Variants in PRSS36 observed in about 807,000 individuals in gnomAD.
The protein encoded by PRSS36 is polyserase-2.
A neutral mutation model predicts 94.3 loss-of-function variants in PRSS36; 90 were observed. That is an observed-to-expected ratio of 0.95 (90% CI 0.80 to 1.14). The LOEUF is 1.14. Among genes scored for constraint, PRSS36 ranks in the 50% most tolerant of loss-of-function variants. The probability of loss-of-function intolerance (pLI) is 0.00; values close to 1 mark genes in which losing one functional copy is unlikely to be tolerated. For missense variants in PRSS36, 1,158 were observed against 1,135.0 expected (o/e 1.02, Z -0.29); for synonymous variants, 500 against 489.6 (o/e 1.02, Z -0.28).
chr16:31,140,277 C>T lies in PRSS36; in HGVS notation c.2289+17G>A, dbSNP rs200402922. Reference sequence around the variant, plus strand: ...TGCCTCTCCCCTGCCTACTCCAGGACGCCCAGGCCCCTGTACCTCACACCT... The same window carrying T: ...TGCCTCTCCCCTGCCTACTCCAGGATGCCCAGGCCCCTGTACCTCACACCT... On this transcript the variant is annotated intron_variant, in intron 14 of 14. Transcript: ENST00000268281. 5.5e-4 allele frequency: 879 copies of T among 1,591,442 alleles called. 9 individuals carry two copies. In the Admixed American group the frequency reaches 0.014, roughly 26 times the overall value.
At chr16:31,148,700 G>C in intron 4 of PRSS36, 25 bp from the exon 5 acceptor site, 3 of 1,610,810 alleles carry the variant, frequency 1.9e-6, no homozygotes, top group Non-Finnish European at 2.5e-6. Flanking sequence ...GGCAGTAGGA[G>C]GTTAGGTTGA....
At position 31,142,883 on chromosome 16, in the gene PRSS36, G is replaced by A. The variant is rs770303171; in HGVS notation, c.1211C>T (p.Ser404Leu). The A allele has an allele frequency of 1.1e-5, 17 of 1,559,358 alleles. No individual in the cohort carries two copies. The highest frequency in any genetic ancestry group is 5.6e-5 in the Admixed American group (3 of 53,844). Residue 404 changes from serine (S) to leucine (L), a missense_variant, in exon 9 of 15, where the codon TCG (serine) becomes TTG (leucine). By Grantham distance (145) the Ser-to-Leu change is moderately radical (BLOSUM62 -2). Transcript: ENST00000268281. The part of the protein sequence containing the change: ...VARLVQHENA[S>L]WDNASDLALL... ...CGCCAGGTCCGAGGCGTTGTCCCAC[G>A]AAGCGTTCTCGTGCTGCACCAGGCG...
At chr16:31,149,794 A>C (rs367968884) in intron 1 of PRSS36, 63 bp from the exon 2 acceptor site, 24 of 1,607,362 alleles carry the variant, frequency 1.5e-5, no homozygotes, top group African/African-American at 1.2e-4. Context: ...GCCCTCCCTG[A>C]CTCCCTCCCC....
In PRSS36 at chr16:31,145,842, A is replaced by G; in HGVS notation, c.667T>C (p.Leu223=). The G allele has an allele frequency of 1.9e-6, 3 of 1,614,068 alleles. No individual in the cohort carries two copies. Among genetic ancestry groups the G allele is most frequent in the East Asian group, 2.2e-5 (1 of 44,878 alleles). The part of the protein sequence containing the change: ...PGPFNLTLQI[L]PGMLCAGYPE... The stretch of plus-strand genomic sequence containing the variant: ...TAGCCAGCACACAGCATCCCTGGCA[A>G]TATCTGGAGAGTGAGGTTGAAGGGA... The change falls in exon 6 of 15, where the codon TTG becomes CTG. Residue 223 remains leucine (L), a synonymous_variant. Transcript: ENST00000268281.
At chr16:31,139,520 G>C (rs1194713278) in intron 14 of PRSS36, 104 bp from the exon 15 acceptor site, 1 of 1,343,986 alleles carries the variant, frequency 7.4e-7, no homozygotes, top group African/African-American at 1.5e-5. Context: ...TGCATCCCTA[G>C]ACATCCAGGT....
chr16:31,145,366 C>T (rs2057781838), intron 6 of PRSS36, among the ~76,000 whole-genome samples: 1 of 129,954 alleles, frequency 7.7e-6, no homozygotes, highest in South Asian at 2.4e-4. Context: ...GAGCAAGACT[C>T]CGTCTCAAAA....
rs1259864789 is a variant in PRSS36, at chr16:31,148,403, T to C, written c.545A>G (p.Gln182Arg). The change falls in exon 5 of 15, where the codon CAG becomes CGG. Residue 182 changes from glutamine (Q) to arginine (R), a missense_variant. Transcript: ENST00000268281. Reference protein sequence around the residue: ...ACWATGWGDVQEADPLPLPWV... With the variant: ...ACWATGWGDVREADPLPLPWV... ...TGTCCCGTCCCACTCACCTGCCTCC[T>C]GGACGTCTCCCCAGCCGGTGGCCCA... 2.6e-6 allele frequency: 4 copies of C among 1,567,626 alleles called. No homozygotes were observed. Among genetic ancestry groups the C allele is most frequent in the Non-Finnish European group, 3.4e-6 (4 of 1,165,916 alleles).
rs185422452 is a variant in PRSS36 at position 31,142,356 on chromosome 16, G to T, written c.1521+125C>A. ...CCCGCTCCCTCCCTAGAGCCCACTC[G>T]GACCCGCCTTCCGCAGGCCCCGCCC... is the stretch of plus-strand genomic sequence containing the variant. On this transcript the variant is annotated intron_variant, in intron 10 of 14. Coordinates refer to ENST00000268281, the MANE Select transcript of PRSS36 (RefSeq NM_173502.5). 2,084 of 1,122,270 alleles carry T rather than the reference G, an allele frequency of 1.9e-3. 28 individuals are homozygous for T. The African/African-American group carries it at 0.031, about 17-fold the overall frequency. The allele number at this position is 1,122,270 out of a possible 1,614,324, so 69.5% of individuals were successfully genotyped here. A position where few individuals can be genotyped will look rare whatever the true frequency, so the allele number is the denominator to read the frequency against.
rs2057716131 is a variant in PRSS36, at chr16:31,142,483, A to G, written c.1519T>C (p.Trp507Arg). Residue 507 changes from tryptophan (W) to arginine (R), a missense_variant and splice_region_variant, in exon 10 of 15, where the codon TGG (tryptophan) becomes CGG (arginine). Trp to Arg is a moderately radical substitution (Grantham distance 101). Transcript: ENST00000268281. ...CGGGCCCCGCCCCCGCCGCTTACCC[A>G]GCAGCTGCCCACCTCCTCCTTTTCC... ...YQEKEEVGSC[W>R]NDSRWSLLCQ... The G allele has an allele frequency of 1.4e-6, 2 of 1,466,382 alleles. No homozygotes were observed. Among genetic ancestry groups the G allele is most frequent in the African/African-American group, 1.5e-5 (1 of 68,674 alleles). The allele number at this position is 1,466,382 out of a possible 1,614,324, so 90.8% of individuals were successfully genotyped here.
chr16:31,148,948 G>A (rs993330454), intron 4 of PRSS36, 125 bp downstream of exon 4: 86 of 1,173,910 alleles, frequency 7.3e-5, no homozygotes, highest in Non-Finnish European at 8.8e-5. Context: ...ATAGCACCTC[G>A]CTTTGGGGAC....
intron 5 of PRSS36, among the ~76,000 whole-genome samples, chr16:31,146,847 G>C (rs972320287): frequency 1.4e-4 from 21 of 152,162 alleles, no homozygotes; most frequent in East Asian, 1.9e-4. Flanking sequence ...TGGGCGTGGT[G>C]GTGGGTGCCT....
At chr16:31,140,264 G>A (rs749632300) in intron 14 of PRSS36, 30 bp downstream of exon 14, 5 of 1,582,604 alleles carry the variant, frequency 3.2e-6, no homozygotes, top group Non-Finnish European at 3.4e-6. Flanking sequence ...CCTCTCCCCT[G>A]CCTACTCCAG....
Position 31,145,963 on chromosome 16 carries a change from C to T in PRSS36, c.554-8G>A. The T allele has an allele frequency of 1.2e-6, 2 of 1,607,624 alleles. No individual in the cohort carries two copies. The highest frequency in any genetic ancestry group is 8.5e-7 in the Non-Finnish European group (1 of 1,176,906). ...AGGGGAGAGGCAGAGGATCTGGAGGCAGAACCAGAGAGCAGGTGCTGTGAG... is the reference window on the plus strand; with the variant it reads ...AGGGGAGAGGCAGAGGATCTGGAGGTAGAACCAGAGAGCAGGTGCTGTGAG... On this transcript the variant is annotated splice_polypyrimidine_tract_variant and splice_region_variant and intron_variant, in intron 5 of 14. Coordinates refer to ENST00000268281, the MANE Select transcript of PRSS36 (RefSeq NM_173502.5).
At chr16:31,148,176 G>T (rs2057825297) in intron 5 of PRSS36, among the ~76,000 whole-genome samples, 1 of 152,176 alleles carries the variant, frequency 6.6e-6, no homozygotes, top group Non-Finnish European at 1.5e-5. Context: ...AATGGGGTGC[G>T]TGTGGGTGAT....
rs753621945 is a variant in PRSS36, at chr16:31,148,543, C to T, written c.405G>A (p.Glu135=). 1 of 1,604,566 alleles carries T rather than the reference C, an allele frequency of 6.2e-7. No individual in the cohort carries two copies. Among genetic ancestry groups the T allele is most frequent in the East Asian group, 2.2e-5 (1 of 44,684 alleles). The change falls in exon 5 of 15, where the codon GAG becomes GAA. Residue 135 remains glutamate, a synonymous_variant. Transcript: ENST00000268281. ...GCAGCAGGGCCAGGTCGGCGCCCAG[C>T]TCCACTTGGCTGTAGTTGGCCGGCA... The part of the protein sequence containing the change: ...IVVPANYSQV[E]LGADLALLRL...
intron 14 of PRSS36, 55 bp from the exon 15 acceptor site, chr16:31,139,471 C>A: frequency 6.4e-7 from 1 of 1,569,572 alleles, no homozygotes; most frequent in East Asian, 2.3e-5. Flanking sequence ...TTGGTCCCCT[C>A]CCCCTTTCCC....
chr16:31,140,078 C>T (rs575991542), intron 14 of PRSS36, among the ~76,000 whole-genome samples: 1 of 151,096 alleles, frequency 6.6e-6, no homozygotes, highest in East Asian at 2.0e-4. Context: ...GTAGTCCCAG[C>T]TACTCGGGAG....
Position 31,148,485 on chromosome 16 carries a change from C to T in PRSS36, c.463G>A (p.Val155Met). ...GCGCGGGGCAGGCAGACAGGCCACA[C>T]GGCGGGGCCCAGGCTGGCGGGTGAG... The part of the protein sequence containing the change: ...LASPASLGPA[V>M]WPVCLPRASH... Residue 155 changes from valine to methionine, a missense_variant, in exon 5 of 15, where the codon GTG (valine) becomes ATG (methionine). By Grantham distance (21) the Val-to-Met change is conservative. Coordinates refer to ENST00000268281, the MANE Select transcript of PRSS36 (RefSeq NM_173502.5). 1 of 1,576,302 alleles carries T rather than the reference C, an allele frequency of 6.3e-7. No individual in the cohort carries two copies. Among genetic ancestry groups the T allele is most frequent in the South Asian group, 1.1e-5 (1 of 88,614 alleles).
rs1022290601 is a variant in PRSS36 at position 31,142,526 on chromosome 16, C to G, written c.1476G>C (p.Ala492=). The change falls in exon 10 of 15, where the codon GCG becomes GCC. Residue 492 remains alanine, a synonymous_variant. Coordinates refer to ENST00000268281, the MANE Select transcript of PRSS36 (RefSeq NM_173502.5). ...CCTTTTCCTGGTAGGCAGGGCAGAG[C>G]GCGTGCGGCGGGTCTCCGGGCAGCG... ...AVPLPGDPPH[A]LCPAYQEKEE... 3.3e-6 allele frequency: 5 copies of G among 1,515,996 alleles called. No homozygotes were observed. The African/African-American group carries it at 7.0e-5, about 21-fold the overall frequency. 93.9% of individuals were successfully genotyped at this position (1,515,996 alleles called of 1,614,324 possible).
Sources: allele counts gnomAD v4.1 joint callset (sites outside exome capture counted in the v4.1 genomes callset), GRCh38; gene constraint gnomAD v4.1.1; transcripts MANE v1.5; gene names NCBI Gene and HGNC (gene_info 2026-07-23, HGNC 2026-07-21).